WDR19: variants seen among roughly 807,000 people sequenced by gnomAD.
WDR19 encodes WD repeat domain 19.
A neutral mutation model predicts 180.0 loss-of-function variants in WDR19; 121 were observed. That is an observed-to-expected ratio of 0.67 (90% CI 0.58 to 0.78). WDR19 has a LOEUF of 0.78. WDR19 is among the 30% of genes least tolerant of loss of function. The pLI is 0.00. For missense variants in WDR19, 1,450 were observed against 1,640.7 expected, an observed-to-expected ratio of 0.88 and a Z score of 2.01; for synonymous variants, 497 against 540.7, an observed-to-expected ratio of 0.92 and a Z score of 1.12.
At chr4:39,235,363 C>G (rs937394654) in intron 20 of WDR19, among the ~76,000 whole-genome samples, 2 of 152,128 alleles carry the variant, frequency 1.3e-5, no homozygotes, top group Non-Finnish European at 2.9e-5. Context: ...CTCCTGGGCT[C>G]AAGTGATCCT....
intron 4 of WDR19, among the ~76,000 whole-genome samples, chr4:39,190,826 C>T (rs570786538): frequency 6.6e-6 from 1 of 152,314 alleles, no homozygotes; most frequent in East Asian, 1.9e-4. Context: ...TTTGGGTTTA[C>T]ATCACTTTTC....
At position 39,274,854 on chromosome 4, in the gene WDR19, A is replaced by AG; in HGVS notation, c.3614dup (p.Leu1206ProfsTer16). On this transcript the variant is annotated frameshift_variant, in exon 33 of 37. Transcript: ENST00000399820. LOFTEE classifies it high-confidence loss of function. ...CAACTGTGATTGAGTGTCACAGGGC[A>AG]GGCCTGAAGAACTCTGCTTTCAGCT... 1 of 1,614,032 alleles carries AG rather than the reference A, an allele frequency of 6.2e-7. No homozygotes were observed. The highest frequency in any genetic ancestry group is 8.5e-7 in the Non-Finnish European group (1 of 1,179,892).
intron 36 of WDR19, 33 bp downstream of exon 36, chr4:39,278,696 C>CCCTT: frequency 1.4e-6 from 2 of 1,388,348 alleles, no homozygotes; most frequent in Non-Finnish European, 2.0e-6. Context: ...ACCTTCTGGG[C>CCCTT]GCAAGGGCCC....
In WDR19 at chr4:39,244,624, C is replaced by A. The variant is rs914767957; in HGVS notation, c.2645+72C>A. ...GTGCCTCTGGGGTCTCCCCACTTGC[C>A]TCCTTGCCATGCTTTCTCTCTGTCC... On this transcript the variant is annotated intron_variant, in intron 23 of 36. Transcript: ENST00000399820. 5 of 1,530,512 alleles carry A rather than the reference C, an allele frequency of 3.3e-6. No individual in the cohort carries two copies. In the South Asian group the frequency reaches 5.7e-5, roughly 17 times the overall value. The allele number at this position is 1,530,512 out of a possible 1,614,324, so 94.8% of individuals were successfully genotyped here. A position where few individuals can be genotyped will look rare whatever the true frequency, so the allele number is the denominator to read the frequency against.
chr4:39,270,631 G>A lies in WDR19; in HGVS notation c.3483+531G>A, dbSNP rs554883286. On this transcript the variant is annotated intron_variant, in intron 31 of 36. Transcript: ENST00000399820. ...GACCTCAAGTGATCCGCCCGCCTTG[G>A]CCTCCCAAAGTGCTGGGATTACAGG... Among the ~76,000 whole-genome samples, 50 of 152,278 alleles carry A rather than the reference G, an allele frequency of 3.3e-4. No individual in the cohort carries two copies. In the East Asian group the frequency reaches 8.7e-3, roughly 26 times the overall value.
At chr4:39,216,557 T>C (rs1729089407) in intron 12 of WDR19, among the ~76,000 whole-genome samples, 1 of 152,212 alleles carries the variant, frequency 6.6e-6, no homozygotes, top group Admixed American at 6.5e-5. Flanking sequence ...TGAGGATACT[T>C]CTACTTTTAA....
intron 6 of WDR19, among the ~76,000 whole-genome samples, chr4:39,202,164 T>C (rs868645427): frequency 2.9e-4 from 44 of 152,304 alleles, no homozygotes; most frequent in African/African-American, 9.1e-4. Context: ...TGTTGGACCT[T>C]CTTATGTCTC....
intron 28 of WDR19, among the ~76,000 whole-genome samples, chr4:39,263,658 C>T (rs1335347797): frequency 6.6e-6 from 1 of 152,190 alleles, no homozygotes; most frequent in East Asian, 1.9e-4. Context: ...GGCATGGTGG[C>T]TCACACCTGT....
chr4:39,278,585 A>C lies in WDR19; in HGVS notation c.3964A>C (p.Asn1322His), dbSNP rs1158060361. 2.5e-6 allele frequency: 4 copies of C among 1,613,652 alleles called. No individual in the cohort carries two copies. In the East Asian group the frequency reaches 8.9e-5, roughly 36 times the overall value. Reference protein sequence around the residue: ...STCPMCSERLNAAQLKKISDC... With the variant: ...STCPMCSERLHAAQLKKISDC... ...ATGTCCTATGTGTTCAGAAAGATTA[A>C]ACGCTGCTCAGCTGAAAAAGATTTC... The change falls in exon 36 of 37, where the codon AAC becomes CAC. Residue 1322 changes from asparagine (N) to histidine (H), a missense_variant. Asn to His is a moderately conservative substitution (Grantham distance 68). Transcript: ENST00000399820.
At chr4:39,285,411 T>C (rs1230530398) in intron 36 of WDR19, 76 bp from the exon 37 acceptor site, 2 of 152,272 alleles carry the variant, frequency 1.3e-5, no homozygotes, top group African/African-American at 2.4e-5. Context: ...CTTTTTAGTA[T>C]GTTTGGCTTT....
chr4:39,187,519 A>T lies in WDR19; in HGVS notation c.164+915A>T, dbSNP rs149412273. 1.9e-3 allele frequency among the ~76,000 whole-genome samples: 293 copies of T among 151,528 alleles called. 1 individual carries two copies. Among genetic ancestry groups the T allele is most frequent in the African/African-American group, 6.7e-3 (275 of 41,308 alleles). ...TGTTTCTTTCTGTAGTTTATTGACC[A>T]TTTTTGAAAATTAGGTTTTACTTCT... On this transcript the variant is annotated intron_variant, in intron 3 of 36. Transcript: ENST00000399820.
intron 5 of WDR19, among the ~76,000 whole-genome samples, chr4:39,195,403 A>AAAAAC (rs1726654425): frequency 6.6e-6 from 1 of 151,604 alleles, no homozygotes. Context: ...AACAAAAAAA[A>AAAAAC]ACATTTACTG....
intron 20 of WDR19, 93 bp from the exon 21 acceptor site, chr4:39,240,177 TAAAAAAA>T (rs55876795): frequency 1.1e-3 from 158 of 146,836 alleles, no homozygotes; most frequent in African/African-American, 7.0e-3. Flanking sequence ...ACCCTGTCTC[TAAAAAAA>T]AAAAAAAAAA....
intron 15 of WDR19, among the ~76,000 whole-genome samples, chr4:39,225,809 C>CTTCCCTTCCCTTTCTCTTCCCT (rs1730189514): frequency 6.6e-6 from 1 of 151,984 alleles, no homozygotes; most frequent in African/African-American, 2.4e-5. Context: ...CTTTCCTTTC[C>CTTCCCTTCCCTTTCTCTTCCCT]TTCCCTTCCC....
At chr4:39,234,439 T>G (rs1731174517) in intron 19 of WDR19, among the ~76,000 whole-genome samples, 1 of 152,188 alleles carries the variant, frequency 6.6e-6, no homozygotes, top group Admixed American at 6.5e-5. Context: ...TTGATTACAT[T>G]AATTTAATTT....
chr4:39,270,497 T>G (rs1421943431), intron 31 of WDR19, among the ~76,000 whole-genome samples: 1 of 152,174 alleles, frequency 6.6e-6, no homozygotes, highest in Non-Finnish European at 1.5e-5. Context: ...TGCCTCAGCC[T>G]TCCAAGTAGC....
rs937461929 is a variant in WDR19, at chr4:39,284,336, T to A, written c.*14-1151T>A. 4.9e-3 allele frequency among the ~76,000 whole-genome samples: 224 copies of A among 45,388 alleles called. 1 individual carries two copies. The highest frequency in any genetic ancestry group is 0.02 in the East Asian group (42 of 2,126). The allele number at this position is 45,388 out of a possible 152,430, so 29.8% of individuals were successfully genotyped here. On this transcript the variant is annotated intron_variant, in intron 36 of 36. Transcript: ENST00000399820. ...CTTCTAAGTAAGTAAAAAAAATTTT[T>A]TTTTTTTTTTTTTTTTTTTTGAGAC...
At chr4:39,279,190 G>T (rs1013306555) in intron 36 of WDR19, among the ~76,000 whole-genome samples, 1 of 152,206 alleles carries the variant, frequency 6.6e-6, no homozygotes, top group African/African-American at 2.4e-5. Flanking sequence ...GCCAAAAGCC[G>T]TGCCAAAACT....
chr4:39,217,618 G>T (rs184572288), intron 13 of WDR19, among the ~76,000 whole-genome samples: 2 of 152,072 alleles, frequency 1.3e-5, no homozygotes, highest in South Asian at 2.1e-4. Context: ...CATTTTGTGT[G>T]GGGGGGTCTT....
Sources: gnomAD v4.1 joint callset for allele counts (sites outside exome capture counted in the v4.1 genomes callset) on GRCh38, gnomAD v4.1.1 for gene constraint, MANE v1.5 for transcripts, NCBI Gene and HGNC (gene_info 2026-07-23, HGNC 2026-07-21) for gene names.